The following NBAS variants were observed in gnomAD, a reference collection of about 807,000 sequenced individuals.
NBAS encodes NAG/BC035112 fusion.
NBAS carries 219 observed loss-of-function variants against 302.5 expected under a neutral mutation model. The ratio of observed to expected loss-of-function variants is 0.72; its 90% CI spans 0.65 to 0.81. The LOEUF (loss-of-function observed/expected upper bound fraction) is 0.81. Among genes scored for constraint, NBAS ranks in the 30% least tolerant of loss-of-function variants. The probability of loss-of-function intolerance (pLI) is 0.00; values close to 1 mark genes in which losing one functional copy is unlikely to be tolerated. For missense variants in NBAS, 2,932 were observed against 2,841.6 expected (o/e 1.03, Z -0.72); for synonymous variants, 1,118 against 1,021.6 (o/e 1.09, Z -1.80).
intron 40 of NBAS, among the ~76,000 whole-genome samples, chr2:15,300,109 G>A (rs1456691410): frequency 1.3e-5 from 2 of 152,286 alleles, no homozygotes; most frequent in East Asian, 1.9e-4. Context: ...GGCTCAGGAC[G>A]ATGCTGCCCT....
At chr2:15,028,493 A>G in the NBAS span, among the ~76,000 whole-genome samples, 1 of 152,216 alleles carries the variant, frequency 6.6e-6, no homozygotes, top group Non-Finnish European at 1.5e-5. Flanking sequence ...AACATAAATC[A>G]GATTGTGTCA....
the NBAS span, among the ~76,000 whole-genome samples, chr2:15,106,617 A>C: frequency 6.6e-6 from 1 of 152,034 alleles, no homozygotes; most frequent in Non-Finnish European, 1.5e-5. Context: ...TGTCTCCTTC[A>C]CAATTAATCT....
At chr2:15,282,564 C>G (rs759900873) in intron 42 of NBAS, among the ~76,000 whole-genome samples, 4 of 152,108 alleles carry the variant, frequency 2.6e-5, no homozygotes, top group African/African-American at 4.8e-5. Flanking sequence ...CTGGGACCCT[C>G]CCCATGTGTC....
intron 28 of NBAS, chr2:15,393,539 G>T: frequency 2.6e-6 from 1 of 379,386 alleles, no homozygotes; most frequent in South Asian, 2.2e-5. Flanking sequence ...AAACAGTTTG[G>T]CAGTTTTTGA....
chr2:15,458,461 T>A (rs1444165351), intron 21 of NBAS, among the ~76,000 whole-genome samples: 1 of 152,184 alleles, frequency 6.6e-6, no homozygotes, highest in Non-Finnish European at 1.5e-5. Context: ...TGGTGATAAG[T>A]GAGTTCTCAC....
chr2:15,543,355 T>C (rs1663943644), intron 6 of NBAS, among the ~76,000 whole-genome samples: 1 of 152,238 alleles, frequency 6.6e-6, no homozygotes, highest in Non-Finnish European at 1.5e-5. Context: ...TTAGAAGGCA[T>C]TCTGTGACCA....
At chr2:15,267,963 C>T (rs1417474043) in intron 44 of NBAS, among the ~76,000 whole-genome samples, 1 of 152,066 alleles carries the variant, frequency 6.6e-6, no homozygotes, top group Non-Finnish European at 1.5e-5. Flanking sequence ...TCTCTAAAAT[C>T]TTATTATATG....
intron 21 of NBAS, among the ~76,000 whole-genome samples, chr2:15,456,173 A>G (rs1679240713): frequency 6.6e-6 from 1 of 152,242 alleles, no homozygotes; most frequent in Non-Finnish European, 1.5e-5. Flanking sequence ...TCAATGTCAA[A>G]TACACATGAT....
chr2:15,266,142 CCTG>C (rs1006399598), intron 44 of NBAS, among the ~76,000 whole-genome samples: 3 of 152,180 alleles, frequency 2.0e-5, no homozygotes, highest in Non-Finnish European at 4.4e-5. Context: ...CATTCTCTTT[CCTG>C]CCACCCTGTG....
At chr2:15,432,557 T>C (rs1446343314) in intron 21 of NBAS, among the ~76,000 whole-genome samples, 1 of 152,164 alleles carries the variant, frequency 6.6e-6, no homozygotes, top group Non-Finnish European at 1.5e-5. Context: ...GAATAAACTT[T>C]CAAAAAGTTC....
intron 48 of NBAS, among the ~76,000 whole-genome samples, chr2:15,198,590 G>A (rs965788346): frequency 1.3e-5 from 2 of 152,134 alleles, no homozygotes; most frequent in African/African-American, 4.8e-5. Flanking sequence ...AGAACATGAG[G>A]ACAACTACAT....
chr2:15,309,725 C>T (rs1671194200), intron 38 of NBAS, among the ~76,000 whole-genome samples: 1 of 152,026 alleles, frequency 6.6e-6, no homozygotes, highest in South Asian at 2.1e-4. Context: ...CCAATAACAC[C>T]CCTCCTCATC....
intron 8 of NBAS, among the ~76,000 whole-genome samples, chr2:15,534,961 G>A (rs560608794): frequency 1.8e-4 from 27 of 152,140 alleles, no homozygotes; most frequent in African/African-American, 6.0e-4. Context: ...TATTTGCAGG[G>A]GCCAAGAACT....
intron 9 of NBAS, among the ~76,000 whole-genome samples, chr2:15,517,893 C>G (rs1246940493): frequency 6.6e-6 from 1 of 152,158 alleles, no homozygotes; most frequent in East Asian, 1.9e-4. Context: ...ACTGCTAACC[C>G]AGGAAAAGAT....
chr2:14,838,925 T>C, the NBAS span, among the ~76,000 whole-genome samples: 2 of 152,006 alleles, frequency 1.3e-5, no homozygotes, highest in African/African-American at 4.8e-5. Flanking sequence ...GATAGTAGAA[T>C]ATGTCCAGTT....
intron 21 of NBAS, among the ~76,000 whole-genome samples, chr2:15,446,427 C>T (rs1678746300): frequency 6.6e-6 from 1 of 152,148 alleles, no homozygotes; most frequent in African/African-American, 2.4e-5. Context: ...ACAAGTACAA[C>T]TGTTAGCCTA....
chr2:15,441,778 CAA>C, intron 21 of NBAS, among the ~76,000 whole-genome samples: 1 of 152,040 alleles, frequency 6.6e-6, no homozygotes, highest in Non-Finnish European at 1.5e-5. Context: ...TGTGCAGAGA[CAA>C]ACATAGGCTC....
intron 40 of NBAS, among the ~76,000 whole-genome samples, chr2:15,304,222 C>T (rs1414689888): frequency 6.6e-6 from 1 of 152,168 alleles, no homozygotes; most frequent in Non-Finnish European, 1.5e-5. Flanking sequence ...GTTCTCACAA[C>T]ATCTGATAGT....
intron 40 of NBAS, among the ~76,000 whole-genome samples, chr2:15,304,102 C>T (rs770301518): frequency 6.6e-6 from 1 of 152,160 alleles, no homozygotes; most frequent in African/African-American, 2.4e-5. Flanking sequence ...ACCCAAACCT[C>T]ATCTTGAATT....
Sources: allele counts gnomAD v4.1 joint callset (sites outside exome capture counted in the v4.1 genomes callset), GRCh38; gene constraint gnomAD v4.1.1; transcripts MANE v1.5; gene names NCBI Gene and HGNC (gene_info 2026-07-23, HGNC 2026-07-21).